The following ARID1B variants were observed in gnomAD, a reference collection of about 807,000 sequenced individuals.
ARID1B encodes AT-rich interactive domain-containing protein 1B.
Under a neutral mutation model 212.3 loss-of-function variants are expected in ARID1B, and 30 were observed. The observed-to-expected ratio is 0.14, with a 90% CI of 0.11 to 0.19. The LOEUF is 0.19. ARID1B is among the 10% of genes least tolerant of loss of function. ARID1B has a pLI of 1.00. For synonymous variants in ARID1B, 1,402 were observed against 1,301.7 expected (o/e 1.08, Z -1.66); for missense variants, 2,891 against 3,204.0 (o/e 0.90, Z 2.36).
chr6:157,097,374 TC>T (rs1785710948), intron 5 of ARID1B, among the ~76,000 whole-genome samples: 1 of 152,160 alleles, frequency 6.6e-6, no homozygotes, highest in Non-Finnish European at 1.5e-5. Flanking sequence ...TATTTTTCCC[TC>T]CCTCTTCTGA....
chr6:156,801,196 CTTTT>C (rs397887993), intron 1 of ARID1B, among the ~76,000 whole-genome samples: 4 of 105,922 alleles, frequency 3.8e-5, no homozygotes, highest in Non-Finnish European at 1.9e-5. Flanking sequence ...CTTGAATAAT[CTTTT>C]TTTTTTTTTT....
chr6:157,049,306 T>C (rs1765255046), intron 4 of ARID1B, among the ~76,000 whole-genome samples: 1 of 152,106 alleles, frequency 6.6e-6, no homozygotes, highest in Admixed American at 6.5e-5. Flanking sequence ...GCCAGAGTGC[T>C]CCTCAAGTGT....
intron 13 of ARID1B, 180 bp downstream of exon 13, chr6:157,184,615 G>A (rs765135266): frequency 2.8e-6 from 2 of 703,388 alleles, no homozygotes; most frequent in Admixed American, 2.9e-5. Flanking sequence ...AGGGATGAGA[G>A]AATTAAATCT....
chr6:156,825,650 T>C (rs957733740), intron 1 of ARID1B, among the ~76,000 whole-genome samples: 1 of 152,258 alleles, frequency 6.6e-6, no homozygotes, highest in Non-Finnish European at 1.5e-5. Context: ...GTTTTGGTCG[T>C]GCACTATTTG....
intron 3 of ARID1B, among the ~76,000 whole-genome samples, chr6:156,911,843 A>C (rs1238329275): frequency 6.6e-6 from 1 of 152,232 alleles, no homozygotes; most frequent in African/African-American, 2.4e-5. Context: ...AACCACGAGC[A>C]GGCATAGAAT....
rs374492536 is a variant in ARID1B at position 156,804,794 on chromosome 6, G to T, written c.1792-24433G>T. Among the ~76,000 whole-genome samples the T allele has an allele frequency of 6.1e-5, 8 of 131,938 alleles. No individual in the cohort carries two copies. The South Asian group carries it at 1.6e-3, about 26-fold the overall frequency. The allele number at this position is 131,938 out of a possible 152,430, so 86.6% of individuals were successfully genotyped here. On this transcript the variant is annotated intron_variant, in intron 1 of 19. Coordinates refer to ENST00000636930, the MANE Select transcript of ARID1B (RefSeq NM_001374828.1). ...TAATCATATCAACGTATCATGAAAA[G>T]ATTACATTTTATTCCAGGGGTCATA...
chr6:156,973,258 G>A (rs1008469270), intron 4 of ARID1B, among the ~76,000 whole-genome samples: 1 of 152,182 alleles, frequency 6.6e-6, no homozygotes, highest in Non-Finnish European at 1.5e-5. Context: ...ATATTGGACA[G>A]CACAGATTAT....
At chr6:157,039,863 TC>T in intron 4 of ARID1B, among the ~76,000 whole-genome samples, 2 of 119,058 alleles carry the variant, frequency 1.7e-5, no homozygotes, top group Middle Eastern at 4.5e-3. Context: ...TCTCTTTCTC[TC>T]TCTTTCTCTT....
chr6:156,910,110 G>A (rs1360894064), intron 3 of ARID1B, among the ~76,000 whole-genome samples: 1 of 152,182 alleles, frequency 6.6e-6, no homozygotes, highest in Non-Finnish European at 1.5e-5. Flanking sequence ...TGCGTTTATT[G>A]TATCAGATTG....
At chr6:156,977,527 A>G (rs879622311) in intron 4 of ARID1B, among the ~76,000 whole-genome samples, 10 of 152,120 alleles carry the variant, frequency 6.6e-5, no homozygotes, top group Admixed American at 3.9e-4. Flanking sequence ...TTTGGTTTCC[A>G]TATCTCTACC....
chr6:156,813,866 TG>T (rs972819981), intron 1 of ARID1B, among the ~76,000 whole-genome samples: 17 of 152,128 alleles, frequency 1.1e-4, no homozygotes, highest in Non-Finnish European at 2.2e-4. Context: ...CTGTTTTTTT[TG>T]CAGTGGAATA....
chr6:156,974,190 G>A (rs1470014610), intron 4 of ARID1B, among the ~76,000 whole-genome samples: 1 of 152,106 alleles, frequency 6.6e-6, no homozygotes, highest in East Asian at 1.9e-4. Context: ...CCTGAATAAA[G>A]ATGTGCAATT....
At chr6:157,101,246 A>T (rs772916262) in intron 5 of ARID1B, among the ~76,000 whole-genome samples, 8 of 152,236 alleles carry the variant, frequency 5.3e-5, no homozygotes, top group Non-Finnish European at 1.0e-4. Flanking sequence ...GAATTAATTC[A>T]ATTGCTAATT....
chr6:156,851,434 G>A (rs1250703232), intron 2 of ARID1B, among the ~76,000 whole-genome samples: 1 of 152,206 alleles, frequency 6.6e-6, no homozygotes, highest in Non-Finnish European at 1.5e-5. Flanking sequence ...TTTTCTGGAA[G>A]GGATTTCCCC....
At chr6:156,992,276 G>A (rs1274662558) in intron 4 of ARID1B, among the ~76,000 whole-genome samples, 1 of 152,128 alleles carries the variant, frequency 6.6e-6, no homozygotes, top group African/African-American at 2.4e-5. Flanking sequence ...CTTCATCTGG[G>A]AAAGCTATTG....
intron 6 of ARID1B, 120 bp downstream of exon 6, chr6:157,110,681 T>A: frequency 2.1e-6 from 2 of 949,698 alleles, no homozygotes; most frequent in Admixed American, 2.2e-5. Context: ...TATGTTTTCT[T>A]ATCAGACGGA....
chr6:156,971,065 T>C (rs1195860311), intron 4 of ARID1B, among the ~76,000 whole-genome samples: 1 of 152,210 alleles, frequency 6.6e-6, no homozygotes, highest in Non-Finnish European at 1.5e-5. Flanking sequence ...AAGTTCACAG[T>C]TGATGAAATT....
intron 6 of ARID1B, among the ~76,000 whole-genome samples, chr6:157,125,198 G>A (rs944071703): frequency 2.6e-5 from 4 of 152,138 alleles, no homozygotes; most frequent in African/African-American, 7.2e-5. Context: ...TGCAGAAGGC[G>A]GTTCAGTGCC....
chr6:157,019,674 C>T (rs907728444), intron 4 of ARID1B, among the ~76,000 whole-genome samples: 1 of 152,100 alleles, frequency 6.6e-6, no homozygotes, highest in African/African-American at 2.4e-5. Flanking sequence ...TAGGCTCTAT[C>T]GTCCTTTGTG....
Sources: gnomAD v4.1 joint callset for allele counts (sites outside exome capture counted in the v4.1 genomes callset) on GRCh38, gnomAD v4.1.1 for gene constraint, MANE v1.5 for transcripts, NCBI Gene and HGNC (gene_info 2026-07-23, HGNC 2026-07-21) for gene names.